ASTN1: variants seen among roughly 807,000 people sequenced by gnomAD.
The protein encoded by ASTN1 is astrotactin-1.
A neutral mutation model predicts 140.7 loss-of-function variants in ASTN1; 41 were observed. The ratio of observed to expected loss-of-function variants is 0.29; its 90% confidence interval spans 0.23 to 0.38. ASTN1 has a LOEUF of 0.38. Ranked by LOEUF, ASTN1 falls within the 10% of genes least tolerant of loss-of-function variation. The pLI is 1.00. For missense variants in ASTN1, 1,479 were observed against 1,678.8 expected (o/e 0.88, Z 2.08); for synonymous variants, 640 against 652.2 (o/e 0.98, Z 0.29).
chr1:176,967,017 A>AAGCT (rs1456572535), intron 8 of ASTN1, among the ~76,000 whole-genome samples: 2 of 152,152 alleles, frequency 1.3e-5, no homozygotes, highest in Non-Finnish European at 2.9e-5. Context: ...TTAACCCAAC[A>AAGCT]AGCTAACAAA....
intron 16 of ASTN1, among the ~76,000 whole-genome samples, chr1:176,921,094 G>C (rs891073445): frequency 6.6e-6 from 1 of 152,154 alleles, no homozygotes; most frequent in Non-Finnish European, 1.5e-5. Flanking sequence ...CCTTCATTTC[G>C]TAGAGTAGAT....
intron 7 of ASTN1, among the ~76,000 whole-genome samples, chr1:177,018,925 C>T (rs977704189): frequency 1.3e-5 from 2 of 152,182 alleles, no homozygotes; most frequent in Admixed American, 6.5e-5. Flanking sequence ...ACCAGAGGCA[C>T]ACCTGGGGTT....
At chr1:176,872,364 G>A (rs1668385369) in intron 21 of ASTN1, among the ~76,000 whole-genome samples, 1 of 152,102 alleles carries the variant, frequency 6.6e-6, no homozygotes, top group Non-Finnish European at 1.5e-5. Context: ...CAGTCTGGTG[G>A]TAGGAGACAG....
In ASTN1 at chr1:176,934,152, C is replaced by G; in HGVS notation, c.2671G>C (p.Gly891Arg). 1.9e-6 allele frequency: 3 copies of G among 1,606,466 alleles called. No individual in the cohort carries two copies. The highest frequency in any genetic ancestry group is 2.6e-6 in the Non-Finnish European group (3 of 1,173,814). Residue 891 changes from glycine to arginine, a missense_variant and splice_region_variant, in exon 16 of 23, where the codon GGC becomes CGC. Physicochemically the swap from Gly to Arg is moderately radical, Grantham distance 125. Around this residue, in one of 3 missense-constraint regions of ASTN1, gnomAD observed 746 missense variants for 800.9 expected, o/e 0.93. Coordinates refer to ENST00000361833, the MANE Select transcript of ASTN1 (RefSeq NM_004319.3). ...LWLEYEDISK[G>R]NSPSDESEER... ...ATTTGCCAACAAGCATGCCACTCACCTTTACTGATGTCTTCATACTCCAGC... is the reference window on the plus strand; with the variant it reads ...ATTTGCCAACAAGCATGCCACTCACGTTTACTGATGTCTTCATACTCCAGC...
chr1:177,102,110 C>G (rs1442678235), intron 1 of ASTN1, among the ~76,000 whole-genome samples: 1 of 152,178 alleles, frequency 6.6e-6, no homozygotes, highest in Non-Finnish European at 1.5e-5. Context: ...GAACATACAT[C>G]ATTTTGGGAC....
Position 176,861,278 on chromosome 1 carries a change from A to G in ASTN1, c.*3006T>C. 1.0e-6 allele frequency: 1 copy of G among 985,620 alleles called. No individual in the cohort carries two copies. The highest frequency in any genetic ancestry group is 1.2e-6 in the Non-Finnish European group (1 of 829,688). 61.1% of individuals were successfully genotyped at this position (985,620 alleles called of 1,614,324 possible). A position where few individuals can be genotyped will look rare whatever the true frequency, so the allele number is the denominator to read the frequency against. ...AGTGTAGTTAACTAAAAAATAATGA[A>G]CGGACCAAACTCCATGGAAAACGAT... On this transcript the variant is annotated 3_prime_UTR_variant, in exon 23 of 23. Transcript: ENST00000361833.
chr1:177,127,861 G>A (rs571941022), intron 1 of ASTN1, among the ~76,000 whole-genome samples: 3 of 152,186 alleles, frequency 2.0e-5, no homozygotes, highest in Non-Finnish European at 4.4e-5. Context: ...GATGCAAAAC[G>A]TAAATGTTTG....
At chr1:177,022,669 G>T in intron 7 of ASTN1, among the ~76,000 whole-genome samples, 1 of 152,156 alleles carries the variant, frequency 6.6e-6, no homozygotes, top group East Asian at 1.9e-4. Context: ...TTTATCTGAA[G>T]AAAATAACTT....
intron 18 of ASTN1, among the ~76,000 whole-genome samples, chr1:176,885,383 C>T (rs996213777): frequency 6.6e-6 from 1 of 152,180 alleles, no homozygotes; most frequent in Non-Finnish European, 1.5e-5. Context: ...TCTTAATTAT[C>T]CACGTGGTTT....
chr1:176,978,738 A>G (rs1283992139), intron 8 of ASTN1, among the ~76,000 whole-genome samples: 1 of 152,144 alleles, frequency 6.6e-6, no homozygotes, highest in Non-Finnish European at 1.5e-5. Flanking sequence ...AGCTAAGCAG[A>G]GCTGACATTT....
At chr1:177,080,780 G>A (rs750134185) in intron 1 of ASTN1, among the ~76,000 whole-genome samples, 1 of 152,126 alleles carries the variant, frequency 6.6e-6, no homozygotes, top group Non-Finnish European at 1.5e-5. Flanking sequence ...TCAGACAGAC[G>A]TGGTTAGACT....
chr1:176,927,310 C>A (rs549095960), intron 16 of ASTN1, among the ~76,000 whole-genome samples: 2 of 152,170 alleles, frequency 1.3e-5, no homozygotes, highest in East Asian at 3.9e-4. Context: ...TTTGTCCACC[C>A]AGATAACCCC....
chr1:176,917,296 C>T (rs897155520), intron 16 of ASTN1, among the ~76,000 whole-genome samples: 1 of 152,168 alleles, frequency 6.6e-6, no homozygotes, highest in Non-Finnish European at 1.5e-5. Flanking sequence ...CTCAATCACA[C>T]GTAGCTGTAG....
At chr1:177,029,465 CTCT>C (rs1558042755) in intron 5 of ASTN1, 166 bp downstream of exon 5, 1 of 777,904 alleles carries the variant, frequency 1.3e-6, no homozygotes. Flanking sequence ...CCACTCTAGG[CTCT>C]TCTTTCTTCC....
intron 11 of ASTN1, 122 bp from the exon 12 acceptor site, chr1:176,949,473 A>T: frequency 1.8e-6 from 2 of 1,119,004 alleles, no homozygotes; most frequent in Non-Finnish European, 2.5e-6. Flanking sequence ...AACATTCGCA[A>T]GTAATCCATG....
At chr1:176,874,237 C>T (rs1396820656) in intron 21 of ASTN1, among the ~76,000 whole-genome samples, 2 of 152,218 alleles carry the variant, frequency 1.3e-5, no homozygotes, top group African/African-American at 4.8e-5. Flanking sequence ...GACAGTCTCT[C>T]ATCTGGGAGT....
At chr1:177,038,444 A>G (rs1161556418) in intron 2 of ASTN1, among the ~76,000 whole-genome samples, 1 of 152,152 alleles carries the variant, frequency 6.6e-6, no homozygotes, top group Non-Finnish European at 1.5e-5. Flanking sequence ...GGGACAGAGG[A>G]AGGAAGGGAG....
At position 176,941,551 on chromosome 1, in the gene ASTN1, G is replaced by T. The variant is rs185205738; in HGVS notation, c.2377+2340C>A. Among the ~76,000 whole-genome samples, 13 of 152,288 alleles carry T rather than the reference G, an allele frequency of 8.5e-5. No individual in the cohort carries two copies. The East Asian group carries it at 2.5e-3, about 29-fold the overall frequency. ...GGAGGTCCAATGGCATGTGCAGGAA[G>T]TACTTTCTATCGTGAATGAGCACCA... On this transcript the variant is annotated intron_variant, in intron 14 of 22. Coordinates refer to ENST00000361833, the MANE Select transcript of ASTN1 (RefSeq NM_004319.3).
chr1:176,888,925 G>A (rs1328988051), intron 17 of ASTN1, among the ~76,000 whole-genome samples: 1 of 152,150 alleles, frequency 6.6e-6, no homozygotes, highest in East Asian at 1.9e-4. Context: ...GGCTTGCTGT[G>A]ATAATTAAAT....
Sources: gnomAD v4.1 joint callset for allele counts (sites outside exome capture counted in the v4.1 genomes callset) on GRCh38, gnomAD v4.1.1 for gene constraint, gnomAD v4.1.1 regional missense constraint, MANE v1.5 for transcripts, NCBI Gene and HGNC (gene_info 2026-07-23, HGNC 2026-07-21) for gene names.